BPIFC: variants seen among roughly 807,000 people sequenced by gnomAD.
BPIFC encodes BPI fold-containing family C protein.
Under a neutral mutation model 57.6 loss-of-function variants are expected in BPIFC, and 60 were observed. That is an observed-to-expected ratio of 1.04 (90% confidence interval 0.85 to 1.29). The LOEUF (loss-of-function observed/expected upper bound fraction) is 1.29, where lower values mean the gene tolerates loss of function less well. Ranked by LOEUF, BPIFC falls within the 50% of genes most tolerant of loss-of-function variation. The pLI is 0.00. For synonymous variants in BPIFC, 243 were observed against 224.5 expected (o/e 1.08, Z -0.74); for missense variants, 581 against 600.5 (o/e 0.97, Z 0.34).
At chr22:32,429,299 C>G (rs916394724) in intron 13 of BPIFC, among the ~76,000 whole-genome samples, 1 of 151,650 alleles carries the variant, frequency 6.6e-6, no homozygotes, top group Admixed American at 6.6e-5. Context: ...CTCGGCCTCC[C>G]GAGTTCACGC....
At chr22:32,418,361 T>C (rs1933744454) in intron 14 of BPIFC, among the ~76,000 whole-genome samples, 1 of 152,208 alleles carries the variant, frequency 6.6e-6, no homozygotes, top group Non-Finnish European at 1.5e-5. Flanking sequence ...ACACACACTC[T>C]GGAACAGGGT....
chr22:32,429,625 TTC>T (rs1233255363), intron 13 of BPIFC, among the ~76,000 whole-genome samples: 2 of 149,456 alleles, frequency 1.3e-5, no homozygotes, highest in African/African-American at 2.5e-5. Context: ...CAAGCAATTC[TTC>T]TGTCTCAGGC....
At chr22:32,421,527 C>T (rs76804297) in intron 13 of BPIFC, among the ~76,000 whole-genome samples, 2,057 of 152,226 alleles carry the variant, frequency 0.014, 40 homozygotes, top group African/African-American at 0.046. Context: ...CTTTCCAATC[C>T]ATCTTCTACA....
At chr22:32,456,109 T>G (rs934516889) in intron 3 of BPIFC, among the ~76,000 whole-genome samples, 1 of 152,256 alleles carries the variant, frequency 6.6e-6, no homozygotes, top group East Asian at 1.9e-4. Context: ...GTTCTTTTAA[T>G]GACTCTGCTC....
At chr22:32,439,064 G>A (rs1051526423) in intron 8 of BPIFC, among the ~76,000 whole-genome samples, 2 of 152,026 alleles carry the variant, frequency 1.3e-5, no homozygotes, top group African/African-American at 4.8e-5. Flanking sequence ...GGTGGGTCAC[G>A]CCTGTAATCC....
chr22:32,463,354 A>G (rs1333709825), intron 1 of BPIFC, among the ~76,000 whole-genome samples: 1 of 152,156 alleles, frequency 6.6e-6, no homozygotes, highest in East Asian at 1.9e-4. Flanking sequence ...CAAGTTATCT[A>G]TTTTGTTGCT....
At chr22:32,425,053 A>T (rs2012657268) in intron 13 of BPIFC, among the ~76,000 whole-genome samples, 1 of 152,076 alleles carries the variant, frequency 6.6e-6, no homozygotes, top group South Asian at 2.1e-4. Flanking sequence ...AAGTGCTGAG[A>T]TTATAGGCGT....
chr22:32,440,262 G>A (rs1476345803), intron 8 of BPIFC, among the ~76,000 whole-genome samples: 4 of 152,010 alleles, frequency 2.6e-5, no homozygotes, highest in South Asian at 4.1e-4. Context: ...CAGCCTCCCT[G>A]TAGCTGGGAC....
intron 4 of BPIFC, among the ~76,000 whole-genome samples, chr22:32,448,711 G>A (rs966920217): frequency 2.6e-5 from 4 of 151,974 alleles, no homozygotes; most frequent in African/African-American, 7.2e-5. Flanking sequence ...AGGCCGAGGC[G>A]GGCAGATCAC....
At chr22:32,432,302 T>C in intron 12 of BPIFC, 71 bp downstream of exon 12, 1 of 1,532,348 alleles carries the variant, frequency 6.5e-7, no homozygotes, top group Non-Finnish European at 8.9e-7. Context: ...GTTTAAAAGC[T>C]GCTGGCCAAC....
intron 8 of BPIFC, among the ~76,000 whole-genome samples, chr22:32,438,543 C>A (rs936087678): frequency 6.6e-6 from 1 of 152,122 alleles, no homozygotes; most frequent in Non-Finnish European, 1.5e-5. Context: ...AGGCACCCAC[C>A]ACCACACATG....
chr22:32,419,915 A>G (rs753021434), intron 13 of BPIFC, among the ~76,000 whole-genome samples: 2 of 152,128 alleles, frequency 1.3e-5, no homozygotes, highest in Non-Finnish European at 2.9e-5. Context: ...CTGCTTAAGA[A>G]GCAGAGCAGG....
At chr22:32,454,788 C>G (rs1290341486) in intron 3 of BPIFC, among the ~76,000 whole-genome samples, 1 of 152,106 alleles carries the variant, frequency 6.6e-6, no homozygotes, top group Non-Finnish European at 1.5e-5. Flanking sequence ...TACCAGAGAG[C>G]TTAGGTTTGA....
intron 14 of BPIFC, among the ~76,000 whole-genome samples, 158 bp downstream of exon 14, chr22:32,419,204 T>C (rs748730898): frequency 5.9e-5 from 9 of 152,092 alleles, no homozygotes; most frequent in African/African-American, 9.7e-5. Context: ...ATGGGCTCAA[T>C]TGATGAGTAG....
At chr22:32,428,262 T>G (rs1199846069) in intron 13 of BPIFC, among the ~76,000 whole-genome samples, 1 of 119,712 alleles carries the variant, frequency 8.4e-6, no homozygotes, top group Non-Finnish European at 1.7e-5. Context: ...TGTGTGTGTG[T>G]GTGTGTGCGC....
rs886965862 is a variant in BPIFC at position 32,413,962 on chromosome 22, T to C, written c.*341A>G. ...ACTAGAGGGCCTAAGGGATTTCCAC[T>C]GAGAATGACCAATACAAATACAGAC... On this transcript the variant is annotated 3_prime_UTR_variant, in exon 17 of 17. Coordinates refer to ENST00000300399, the MANE Select transcript of BPIFC (RefSeq NM_174932.3). 1.8e-5 allele frequency: 3 copies of C among 164,102 alleles called. No individual in the cohort carries two copies. Among genetic ancestry groups the C allele is most frequent in the African/African-American group, 7.1e-5 (3 of 41,970 alleles). 10.2% of individuals were successfully genotyped at this position (164,102 alleles called of 1,614,324 possible).
At chr22:32,422,187 ACT>A (rs1253382991) in intron 13 of BPIFC, among the ~76,000 whole-genome samples, 8 of 152,122 alleles carry the variant, frequency 5.3e-5, no homozygotes, top group Admixed American at 5.2e-4. Flanking sequence ...TATAAAGATC[ACT>A]CTGGCTGCAG....
At chr22:32,431,022 C>A (rs990297680) in intron 13 of BPIFC, among the ~76,000 whole-genome samples, 2 of 151,994 alleles carry the variant, frequency 1.3e-5, no homozygotes. Context: ...AAAAGCTTGA[C>A]AGTACCATTT....
chr22:32,451,336 G>A lies in BPIFC; in HGVS notation c.245+2047C>T, dbSNP rs562721492. 3.3e-5 allele frequency among the ~76,000 whole-genome samples: 5 copies of A among 152,286 alleles called. No individual in the cohort carries two copies. In the South Asian group the frequency reaches 6.2e-4, roughly 19 times the overall value. On this transcript the variant is annotated intron_variant, in intron 4 of 16. Transcript: ENST00000300399. ...GTGAGTAGTGCCACGATAAACATAC[G>A]TGTGCATGTGTCTTTACAGCAATAT...
Sources: gnomAD v4.1 joint callset for allele counts (sites outside exome capture counted in the v4.1 genomes callset) on GRCh38, gnomAD v4.1.1 for gene constraint, MANE v1.5 for transcripts, NCBI Gene and HGNC (gene_info 2026-07-23, HGNC 2026-07-21) for gene names.